FOSL2: variants seen among roughly 807,000 people sequenced by gnomAD.
FOSL2 encodes fos-related antigen 2.
Under a neutral mutation model 27.7 loss-of-function variants are expected in FOSL2, and 3 were observed. That is an observed-to-expected ratio of 0.11 (90% CI 0.05 to 0.28). The LOEUF is 0.28. Among genes scored for constraint, FOSL2 ranks in the 10% least tolerant of loss-of-function variants. The probability of loss-of-function intolerance (pLI) is 1.00; values close to 1 mark genes in which losing one functional copy is unlikely to be tolerated. For missense variants in FOSL2, 333 were observed against 445.1 expected, an observed-to-expected ratio of 0.75 and a Z score of 2.27; for synonymous variants, 179 against 190.1, an observed-to-expected ratio of 0.94 and a Z score of 0.48.
chr2:28,399,212 G>C (rs1572486081), intron 1 of FOSL2, among the ~76,000 whole-genome samples: 1 of 152,174 alleles, frequency 6.6e-6, no homozygotes, highest in Non-Finnish European at 1.5e-5. Context: ...CTGGCCAAGG[G>C]GCTGGGCCAA....
At position 28,412,255 on chromosome 2, in the gene FOSL2, C is replaced by G. The variant is rs760137820; in HGVS notation, c.788C>G (p.Thr263Ser). Residue 263 changes from threonine (T) to serine (S), a missense_variant, in exon 4 of 4, where the codon ACC becomes AGC. Coordinates refer to ENST00000264716, the MANE Select transcript of FOSL2 (RefSeq NM_005253.4). The surrounding 1 kb of genome is among the most constrained non-coding windows in gnomAD (Gnocchi z 7.1). ...TTCTACGGTGAGGAGCCCCTGCACA[C>G]CCCCATCGTGGTGACCTCCACACCT... ...GGFYGEEPLH[T>S]PIVVTSTPAV... The G allele has an allele frequency of 6.2e-7, 1 of 1,613,970 alleles. No homozygotes were observed.
At chr2:28,411,795 G>C (rs1206401210) in intron 3 of FOSL2, 135 bp from the exon 4 acceptor site, 1 of 871,590 alleles carries the variant, frequency 1.1e-6, no homozygotes, top group Non-Finnish European at 1.8e-6. Flanking sequence ...GAGAGACTCA[G>C]ACCAGCGGGG....
rs1027040223 is a variant in FOSL2, at chr2:28,413,606, C to T, written c.*1158C>T. The T allele has an allele frequency of 1.3e-5, 5 of 398,712 alleles. No homozygotes were observed. Among genetic ancestry groups the T allele is most frequent in the Admixed American group, 8.8e-5 (2 of 22,718 alleles). 24.7% of individuals were successfully genotyped at this position (398,712 alleles called of 1,614,324 possible). A position where few individuals can be genotyped will look rare whatever the true frequency, so the allele number is the denominator to read the frequency against. On this transcript the variant is annotated 3_prime_UTR_variant, in exon 4 of 4. Coordinates refer to ENST00000264716, the MANE Select transcript of FOSL2 (RefSeq NM_005253.4). ...AGGCGGGAGGCCGTCACTGGAGTGG[C>T]GTCTGCAGCAGCTGCTGCCCCAGCA...
chr2:28,413,605 G>C lies in FOSL2; in HGVS notation c.*1157G>C. 2.5e-6 allele frequency: 1 copy of C among 398,824 alleles called. No individual in the cohort carries two copies. The highest frequency in any genetic ancestry group is 4.4e-5 in the Admixed American group (1 of 22,742). The allele number at this position is 398,824 out of a possible 1,614,324, so 24.7% of individuals were successfully genotyped here. The stretch of plus-strand genomic sequence containing the variant: ...GAGGCGGGAGGCCGTCACTGGAGTG[G>C]CGTCTGCAGCAGCTGCTGCCCCAGC... On this transcript the variant is annotated 3_prime_UTR_variant, in exon 4 of 4. Transcript: ENST00000264716.
At position 28,393,462 on chromosome 2, in the gene FOSL2, G is replaced by C. The variant is rs1317300468; in HGVS notation, c.-259G>C. ...GAGACGCGCCGACTTTTTAGAGGGA[G>C]GGATCGGGTGGACAACTGGTCCCGC... On this transcript the variant is annotated 5_prime_UTR_variant, in exon 1 of 4. Transcript: ENST00000264716. The surrounding 1 kb of genome is among the most constrained non-coding windows in gnomAD (Gnocchi z 4.6). 2.2e-6 allele frequency: 1 copy of C among 446,340 alleles called. No homozygotes were observed. Among genetic ancestry groups the C allele is most frequent in the Non-Finnish European group, 4.0e-6 (1 of 250,974 alleles). 27.6% of individuals were successfully genotyped at this position (446,340 alleles called of 1,614,324 possible).
intron 3 of FOSL2, among the ~76,000 whole-genome samples, chr2:28,410,112 C>T (rs990401669): frequency 3.3e-5 from 5 of 152,206 alleles, no homozygotes; most frequent in Admixed American, 6.5e-5. Context: ...TGTCCTGCAG[C>T]CCTCACTCTG....
Position 28,416,115 on chromosome 2 carries a change from C to G in FOSL2, c.*3667C>G, listed in dbSNP as rs1664307327. ...AAGCCAGCATCTCACTATTTATTGA[C>G]AGGTTGGGCTGTGTGTGTGCGCATG... On this transcript the variant is annotated 3_prime_UTR_variant, in exon 4 of 4. Coordinates refer to ENST00000264716, the MANE Select transcript of FOSL2 (RefSeq NM_005253.4). 4 of 152,018 alleles carry G rather than the reference C, an allele frequency of 2.6e-5. No individual in the cohort carries two copies. The highest frequency in any genetic ancestry group is 9.7e-5 in the African/African-American group (4 of 41,386). The allele number at this position is 152,018 out of a possible 1,614,324, so 9.4% of individuals were successfully genotyped here. A position where few individuals can be genotyped will look rare whatever the true frequency, so the allele number is the denominator to read the frequency against.
intron 2 of FOSL2, among the ~76,000 whole-genome samples, chr2:28,407,737 C>T (rs1367701159): frequency 6.6e-6 from 1 of 152,198 alleles, no homozygotes; most frequent in Non-Finnish European, 1.5e-5. Context: ...GTGGGCTTTC[C>T]CTTTGTGTTG....
At chr2:28,402,013 T>C (rs1235313260) in intron 1 of FOSL2, among the ~76,000 whole-genome samples, 2 of 151,330 alleles carry the variant, frequency 1.3e-5, no homozygotes, top group East Asian at 1.9e-4. Flanking sequence ...AACTCTCCTC[T>C]TGAATCTCAG....
Position 28,408,958 on chromosome 2 carries a change from T to C in FOSL2, c.462+92T>C. 1 of 768,488 alleles carries C rather than the reference T, an allele frequency of 1.3e-6. No homozygotes were observed. The highest frequency in any genetic ancestry group is 2.1e-6 in the Non-Finnish European group (1 of 482,578). 47.6% of individuals were successfully genotyped at this position (768,488 alleles called of 1,614,324 possible). ...ATCCTCTCTCCCACAGCTGTCTCCT[T>C]ACCCACAAATGCCCTACAGATGAGT... On this transcript the variant is annotated intron_variant, in intron 3 of 3. Transcript: ENST00000264716. This position sits in a 1 kb window ranked among gnomAD's most constrained non-coding sequence, Gnocchi z 4.1.
At position 28,412,052 on chromosome 2, in the gene FOSL2, C is replaced by T. The variant is rs146012402; in HGVS notation, c.585C>T (p.Pro195=). The T allele has an allele frequency of 1.5e-4, 236 of 1,608,296 alleles. No homozygotes were observed. In the African/African-American group the frequency reaches 2.4e-3, roughly 16 times the overall value. Reference sequence around the variant, plus strand: ...ACGGCCCAGTGTGCAAGATTAGCCCCGAGGAGCGCCGATCGCCCCCAGCCC... The same window carrying T: ...ACGGCCCAGTGTGCAAGATTAGCCCTGAGGAGCGCCGATCGCCCCCAGCCC... ...VAHGPVCKIS[P]EERRSPPAPG... is the part of the protein sequence containing the mutation. The change falls in exon 4 of 4, where the codon CCC becomes CCT. Residue 195 remains proline (P), a synonymous_variant. Transcript: ENST00000264716. The surrounding 1 kb of genome is among the most constrained non-coding windows in gnomAD (Gnocchi z 7.1).
Position 28,393,592 on chromosome 2 carries a change from C to T in FOSL2, c.-129C>T. 2 of 659,500 alleles carry T rather than the reference C, an allele frequency of 3.0e-6. No homozygotes were observed. The highest frequency in any genetic ancestry group is 3.9e-5 in the South Asian group (2 of 51,792). The allele number at this position is 659,500 out of a possible 1,614,324, so 40.9% of individuals were successfully genotyped here. On this transcript the variant is annotated 5_prime_UTR_variant, in exon 1 of 4. Coordinates refer to ENST00000264716, the MANE Select transcript of FOSL2 (RefSeq NM_005253.4). The surrounding 1 kb of genome is among the most constrained non-coding windows in gnomAD (Gnocchi z 4.6). ...CTCGCCCTCCGCGGTGGGGGAGAAA[C>T]CCAGGAGCGAAGCCCAGAGCCCGCG...
intron 1 of FOSL2, among the ~76,000 whole-genome samples, chr2:28,394,396 A>G (rs1663762343): frequency 6.6e-6 from 1 of 152,060 alleles, no homozygotes; most frequent in Admixed American, 6.5e-5. Context: ...GAAGGTCAGG[A>G]AGGAAGAAGC....
In FOSL2 at chr2:28,407,662, T is replaced by C. The variant is rs555943624; in HGVS notation, c.355-1097T>C. ...CCAGGTCTTATTCCCCTTGAGATCT[T>C]CTAAGCTCCTAGTGTAGCACCGGGC... On this transcript the variant is annotated intron_variant, in intron 2 of 3. Transcript: ENST00000264716. Among the ~76,000 whole-genome samples, 369 of 152,336 alleles carry C rather than the reference T, an allele frequency of 2.4e-3. 3 individuals carry two copies. The highest frequency in any genetic ancestry group is 8.4e-3 in the African/African-American group (351 of 41,580).
intron 1 of FOSL2, chr2:28,395,410 A>G (rs920348613): frequency 2.6e-5 from 4 of 152,168 alleles, no homozygotes; most frequent in African/African-American, 9.7e-5. Context: ...GAGTATTACA[A>G]TCTCACTGCC....
chr2:28,396,097 GGACCGATCCATATGA>G (rs1663828479), intron 1 of FOSL2, among the ~76,000 whole-genome samples: 1 of 152,146 alleles, frequency 6.6e-6, no homozygotes, highest in Admixed American at 6.5e-5. Context: ...GCATCTCAGT[GGACCGATCCATATGA>G]GACAGTTCTC....
chr2:28,415,684 A>G lies in FOSL2; in HGVS notation c.*3236A>G, dbSNP rs1664298030. 6.6e-6 allele frequency: 1 copy of G among 152,230 alleles called. No individual in the cohort carries two copies. The highest frequency in any genetic ancestry group is 2.4e-5 in the African/African-American group (1 of 41,462). The allele number at this position is 152,230 out of a possible 1,614,324, so 9.4% of individuals were successfully genotyped here. On this transcript the variant is annotated 3_prime_UTR_variant, in exon 4 of 4. Coordinates refer to ENST00000264716, the MANE Select transcript of FOSL2 (RefSeq NM_005253.4). ...ATCTTTGTGCCCCCTTTAGGAAGGAAAAGAATACACCTACGATGTGCCAGG... is the reference window on the plus strand; with the variant it reads ...ATCTTTGTGCCCCCTTTAGGAAGGAGAAGAATACACCTACGATGTGCCAGG...
intron 3 of FOSL2, among the ~76,000 whole-genome samples, chr2:28,409,632 T>C (rs1664151211): frequency 6.6e-6 from 1 of 152,184 alleles, no homozygotes; most frequent in Non-Finnish European, 1.5e-5. Context: ...GGGTTGACTC[T>C]CCCCAGTGGA....
In FOSL2 at chr2:28,392,949, A is replaced by G. The variant is rs888896255; in HGVS notation, c.-772A>G. The stretch of plus-strand genomic sequence containing the variant: ...GCTCGGCGGGGACAGAAAGAGGGAG[A>G]GAGAGAGAGAGAGAGAGGGAGAGGC... On this transcript the variant is annotated 5_prime_UTR_variant, in exon 1 of 4. Transcript: ENST00000264716. 14 of 583,792 alleles carry G rather than the reference A, an allele frequency of 2.4e-5. No individual in the cohort carries two copies. Among genetic ancestry groups the G allele is most frequent in the East Asian group, 3.1e-5 (1 of 31,932 alleles). The allele number at this position is 583,792 out of a possible 1,614,324, so 36.2% of individuals were successfully genotyped here.
Sources: gnomAD v4.1 joint callset for allele counts (sites outside exome capture counted in the v4.1 genomes callset) on GRCh38, gnomAD v4.1.1 for gene constraint, Gnocchi (gnomAD v3.1) non-coding constraint, MANE v1.5 for transcripts, NCBI Gene and HGNC (gene_info 2026-07-23, HGNC 2026-07-21) for gene names.